Variants in SUGCT observed in about 807,000 individuals in gnomAD.
The protein encoded by SUGCT is succinyl-CoA:glutarate CoA-transferase.
In SUGCT, 41 loss-of-function variants were observed where a neutral mutation model predicts 55.0. That is an observed-to-expected ratio of 0.74 (90% CI 0.58 to 0.97). SUGCT has a LOEUF of 0.97. Ranked by LOEUF, SUGCT falls within the 50% of genes least tolerant of loss-of-function variation. The probability of loss-of-function intolerance (pLI) is 0.00; values close to 1 mark genes in which losing one functional copy is unlikely to be tolerated. For synonymous variants in SUGCT, 187 were observed against 200.4 expected (o/e 0.93, Z 0.56); for missense variants, 568 against 547.8 (o/e 1.04, Z -0.37).
chr7:40,336,449 A>T (rs2151163637), intron 9 of SUGCT, among the ~76,000 whole-genome samples: 1 of 152,210 alleles, frequency 6.6e-6, no homozygotes, highest in Admixed American at 6.5e-5. Context: ...CTATTCAGGG[A>T]TTCAACTTCT....
At chr7:40,414,445 G>A (rs1219807202) in intron 9 of SUGCT, among the ~76,000 whole-genome samples, 1 of 152,120 alleles carries the variant, frequency 6.6e-6, no homozygotes, top group Non-Finnish European at 1.5e-5. Flanking sequence ...TCAGGCATTC[G>A]CTGGGGGTCT....
intron 8 of SUGCT, among the ~76,000 whole-genome samples, chr7:40,283,909 A>T (rs1793139357): frequency 6.6e-6 from 1 of 152,198 alleles, no homozygotes; most frequent in Non-Finnish European, 1.5e-5. Context: ...TCTAAATGTA[A>T]ATAATCAGAT....
chr7:40,821,405 TG>T (rs1193257481), intron 13 of SUGCT, among the ~76,000 whole-genome samples: 2 of 152,192 alleles, frequency 1.3e-5, no homozygotes, highest in African/African-American at 4.8e-5. Flanking sequence ...GGACTTTTTT[TG>T]GTTGGTAGGC....
intron 7 of SUGCT, among the ~76,000 whole-genome samples, chr7:40,262,817 T>C (rs188460925): frequency 3.9e-4 from 60 of 152,342 alleles, no homozygotes; most frequent in African/African-American, 1.3e-3. Context: ...TAAAACAATA[T>C]ATGGAGAAAA....
chr7:40,974,756 C>T, the SUGCT span, among the ~76,000 whole-genome samples: 72 of 152,262 alleles, frequency 4.7e-4, 1 homozygote, highest in Admixed American at 1.4e-3. Flanking sequence ...CAAATGAATT[C>T]TCTGAAATCT....
chr7:40,177,411 A>T (rs1003436230), intron 1 of SUGCT, among the ~76,000 whole-genome samples: 3 of 151,178 alleles, frequency 2.0e-5, no homozygotes, highest in Admixed American at 6.6e-5. Context: ...CGGCCCTCTA[A>T]ATCTGCTGTG....
chr7:40,265,179 G>T (rs559608156), intron 7 of SUGCT, among the ~76,000 whole-genome samples: 4 of 152,276 alleles, frequency 2.6e-5, no homozygotes, highest in Non-Finnish European at 4.4e-5. Flanking sequence ...GAATGACTCA[G>T]TATGAAATAA....
At chr7:40,837,012 G>A (rs778591453) in intron 13 of SUGCT, among the ~76,000 whole-genome samples, 4 of 151,988 alleles carry the variant, frequency 2.6e-5, no homozygotes, top group East Asian at 1.9e-4. Context: ...AGGAATTGTC[G>A]TACTCTTTTC....
chr7:41,029,916 T>C, the SUGCT span, among the ~76,000 whole-genome samples: 11 of 152,166 alleles, frequency 7.2e-5, no homozygotes, highest in Admixed American at 7.2e-4. Flanking sequence ...TCATCCCTCA[T>C]CTCTCGCCTC....
intron 12 of SUGCT, among the ~76,000 whole-genome samples, chr7:40,616,844 G>T (rs2151783631): frequency 6.6e-6 from 1 of 152,308 alleles, no homozygotes; most frequent in African/African-American, 2.4e-5. Flanking sequence ...GGGTCCTGGA[G>T]ACAACACATT....
At chr7:40,751,387 C>G (rs1788004340) in intron 13 of SUGCT, among the ~76,000 whole-genome samples, 1 of 151,874 alleles carries the variant, frequency 6.6e-6, no homozygotes, top group African/African-American at 2.4e-5. Context: ...AGCCGGCGGT[C>G]AGGTTAGGAA....
At chr7:40,858,403 C>CAAAAAAAA (rs58628576) in intron 13 of SUGCT, among the ~76,000 whole-genome samples, 7 of 34,754 alleles carry the variant, frequency 2.0e-4, no homozygotes, top group African/African-American at 5.5e-4. Context: ...AATTCCATCT[C>CAAAAAAAA]AAAAAAAAAA....
intron 8 of SUGCT, among the ~76,000 whole-genome samples, chr7:40,306,656 A>G (rs1794866061): frequency 6.6e-6 from 1 of 152,194 alleles, no homozygotes; most frequent in Admixed American, 6.5e-5. Flanking sequence ...CTAAAATGTA[A>G]AAAAGTATTT....
At chr7:40,565,989 A>ACACG (rs1449255398) in intron 12 of SUGCT, among the ~76,000 whole-genome samples, 1 of 93,482 alleles carries the variant, frequency 1.1e-5, no homozygotes, top group African/African-American at 5.0e-5. Context: ...ACACACACAC[A>ACACG]CACGCACACA....
intron 5 of SUGCT, among the ~76,000 whole-genome samples, chr7:40,191,309 G>A (rs752236119): frequency 1.3e-5 from 2 of 152,116 alleles, no homozygotes; most frequent in Admixed American, 6.6e-5. Flanking sequence ...GAGCTACCGC[G>A]CCTGGCCTCA....
intron 12 of SUGCT, among the ~76,000 whole-genome samples, chr7:40,673,164 G>T (rs959527252): frequency 6.6e-6 from 1 of 152,040 alleles, no homozygotes; most frequent in Non-Finnish European, 1.5e-5. Context: ...ATTTTGTTTA[G>T]ATTAAAATTT....
At chr7:40,944,820 T>C in the SUGCT span, among the ~76,000 whole-genome samples, 3 of 152,162 alleles carry the variant, frequency 2.0e-5, no homozygotes, top group Non-Finnish European at 4.4e-5. Context: ...AAAAAGAAGA[T>C]GTGACTTTAA....
At position 40,517,778 on chromosome 7, in the gene SUGCT, G is replaced by T. The variant is rs552780137; in HGVS notation, c.1089+21392G>T. Among the ~76,000 whole-genome samples, 312 of 152,160 alleles carry T rather than the reference G, an allele frequency of 2.1e-3. 1 individual carries two copies. Among genetic ancestry groups the T allele is most frequent in the African/African-American group, 7.1e-3 (296 of 41,546 alleles). ...GATTTTCACCACTTATGGTTGATTT[G>T]CTGTAGAGTAGTTGGTCCATGAAGG... On this transcript the variant is annotated intron_variant, in intron 12 of 13. Coordinates refer to ENST00000335693, the MANE Select transcript of SUGCT (RefSeq NM_001193313.2).
At chr7:40,402,754 G>A (rs373447691) in intron 9 of SUGCT, among the ~76,000 whole-genome samples, 16 of 152,160 alleles carry the variant, frequency 1.1e-4, no homozygotes, top group African/African-American at 3.4e-4. Flanking sequence ...TAGAAAGTCC[G>A]CTCTCATTGC....
Sources: allele counts gnomAD v4.1 joint callset (sites outside exome capture counted in the v4.1 genomes callset), GRCh38; gene constraint gnomAD v4.1.1; transcripts MANE v1.5; gene names NCBI Gene and HGNC (gene_info 2026-07-23, HGNC 2026-07-21).